Variants in DIAPH3 observed in about 807,000 individuals in gnomAD.
DIAPH3 encodes the protein protein diaphanous homolog 3.
A neutral mutation model predicts 144.3 loss-of-function variants in DIAPH3; 117 were observed. The observed-to-expected ratio is 0.81, with a 90% confidence interval of 0.70 to 0.95. DIAPH3 has a LOEUF of 0.95. Among genes scored for constraint, DIAPH3 ranks in the 40% least tolerant of loss-of-function variants. The probability of loss-of-function intolerance (pLI) is 0.00; values close to 1 mark genes in which losing one functional copy is unlikely to be tolerated. For missense variants in DIAPH3, 1,421 were observed against 1,412.7 expected (o/e 1.01, Z -0.09); for synonymous variants, 519 against 488.9 (o/e 1.06, Z -0.81).
At chr13:59,953,428 G>T (rs2049208679) in intron 17 of DIAPH3, among the ~76,000 whole-genome samples, 1 of 152,152 alleles carries the variant, frequency 6.6e-6, no homozygotes, top group Admixed American at 6.6e-5. Context: ...GAACTACATG[G>T]AATGTGGAGG....
rs1446725041 is a variant in DIAPH3, at chr13:59,983,961, T to TA, written c.1362-75dup. On this transcript the variant is annotated intron_variant, in intron 12 of 27. Coordinates refer to ENST00000400324, the MANE Select transcript of DIAPH3 (RefSeq NM_001042517.2). ...TTACATCAAAACAAAACTTTTTGGC[T>TA]AAGATTGATTTCAAGTTCAACAATT... The TA allele has an allele frequency of 7.5e-6, 7 of 937,344 alleles. No homozygotes were observed. In the Admixed American group the frequency reaches 1.3e-4, roughly 17 times the overall value. 58.1% of individuals were successfully genotyped at this position (937,344 alleles called of 1,614,324 possible).
At chr13:59,873,402 A>G (rs2044399330) in intron 21 of DIAPH3, among the ~76,000 whole-genome samples, 1 of 152,194 alleles carries the variant, frequency 6.6e-6, no homozygotes, top group Admixed American at 6.5e-5. Flanking sequence ...AAAACGACTC[A>G]CAGTGTTAAC....
chr13:59,926,817 T>C (rs1015018576), intron 17 of DIAPH3, among the ~76,000 whole-genome samples: 3 of 152,200 alleles, frequency 2.0e-5, no homozygotes, highest in Non-Finnish European at 4.4e-5. Flanking sequence ...TACTGGATGC[T>C]ATGTTCTGTA....
intron 4 of DIAPH3, among the ~76,000 whole-genome samples, chr13:60,068,624 G>A (rs1294753300): frequency 6.6e-6 from 1 of 152,104 alleles, no homozygotes; most frequent in African/African-American, 2.4e-5. Flanking sequence ...CTACCTGATA[G>A]TCTTTCAATC....
intron 27 of DIAPH3, among the ~76,000 whole-genome samples, chr13:59,765,396 G>A (rs1426320912): frequency 6.6e-6 from 1 of 152,106 alleles, no homozygotes; most frequent in African/African-American, 2.4e-5. Context: ...TCAATTCTAG[G>A]CACTACATCA....
chr13:59,766,599 C>T (rs1161579074), intron 27 of DIAPH3, among the ~76,000 whole-genome samples: 3 of 152,146 alleles, frequency 2.0e-5, no homozygotes, highest in African/African-American at 7.2e-5. Flanking sequence ...CCCCGGGAAC[C>T]TAACCTAAGC....
chr13:59,763,652 T>C (rs2037723088), intron 27 of DIAPH3, among the ~76,000 whole-genome samples: 1 of 152,142 alleles, frequency 6.6e-6, no homozygotes, highest in Non-Finnish European at 1.5e-5. Flanking sequence ...CCACTGCACT[T>C]CCGCCTAGGC....
chr13:59,765,922 G>C (rs1160344632), intron 27 of DIAPH3, among the ~76,000 whole-genome samples: 2 of 152,118 alleles, frequency 1.3e-5, no homozygotes, highest in Non-Finnish European at 2.9e-5. Flanking sequence ...CACATGCCTG[G>C]AAGAAACTCA....
At position 60,163,795 on chromosome 13, in the gene DIAPH3, G is replaced by T; in HGVS notation, c.-29C>A. ...TCCCCGCAGCTCCGGGGACCGGAAA[G>T]AAGGTGGCCACTCAGCAAGCCGCAA... On this transcript the variant is annotated 5_prime_UTR_variant, in exon 1 of 28. Coordinates refer to ENST00000400324, the MANE Select transcript of DIAPH3 (RefSeq NM_001042517.2). The T allele has an allele frequency of 1.3e-6, 2 of 1,547,452 alleles. No homozygotes were observed. The highest frequency in any genetic ancestry group is 1.7e-6 in the Non-Finnish European group (2 of 1,149,820).
intron 1 of DIAPH3, among the ~76,000 whole-genome samples, chr13:60,145,448 C>T (rs1951464544): frequency 1.3e-5 from 2 of 152,178 alleles, no homozygotes; most frequent in Admixed American, 1.3e-4. Context: ...GAGATCGAGA[C>T]CATCCTGGCT....
intron 27 of DIAPH3, among the ~76,000 whole-genome samples, chr13:59,747,805 A>G (rs1428370467): frequency 6.6e-6 from 1 of 152,218 alleles, no homozygotes; most frequent in Non-Finnish European, 1.5e-5. Flanking sequence ...CAAGAATGAC[A>G]GGAGAGCCAT....
intron 7 of DIAPH3, chr13:60,013,261 A>G (rs556925500): frequency 1.0e-6 from 1 of 967,294 alleles, no homozygotes; most frequent in South Asian, 4.8e-5. Context: ...AATTTCAGGC[A>G]CTGAAGATGA....
chr13:59,870,358 A>T (rs1297013862), intron 21 of DIAPH3, among the ~76,000 whole-genome samples: 2 of 151,970 alleles, frequency 1.3e-5, no homozygotes, highest in African/African-American at 2.4e-5. Context: ...CCAATACCAC[A>T]ATATTTTCCT....
intron 22 of DIAPH3, among the ~76,000 whole-genome samples, chr13:59,842,117 C>A (rs1388732907): frequency 6.6e-6 from 1 of 152,094 alleles, no homozygotes; most frequent in Non-Finnish European, 1.5e-5. Flanking sequence ...CAATCACAAG[C>A]AATCCATATT....
rs111641470 is a variant in DIAPH3, at chr13:59,974,379, T to C, written c.1623A>G (p.Gln541=). The change falls in exon 15 of 28, where the codon CAA becomes CAG. Residue 541 remains glutamine, a synonymous_variant. Transcript: ENST00000400324. Reference sequence around the variant, plus strand: ...GAGACTTAAAAGCTTGTAGCTCTGCTTGAAGCTCATTAATCTTTGCCTCTT... The same window carrying C: ...GAGACTTAAAAGCTTGTAGCTCTGCCTGAAGCTCATTAATCTTTGCCTCTT... ...QKKEAKINEL[Q]AELQAFKSQF... is the part of the protein sequence containing the mutation. 6.6e-4 allele frequency: 1,066 copies of C among 1,612,742 alleles called. 6 individuals carry two copies. In the African/African-American group the frequency reaches 0.012, roughly 19 times the overall value.
chr13:59,936,215 CA>C (rs954019526), intron 17 of DIAPH3, among the ~76,000 whole-genome samples: 1 of 152,048 alleles, frequency 6.6e-6, no homozygotes, highest in Non-Finnish European at 1.5e-5. Context: ...AAGATTTTTA[CA>C]AAGGCTACCT....
At chr13:59,902,759 A>T (rs977888756) in intron 20 of DIAPH3, among the ~76,000 whole-genome samples, 1 of 152,192 alleles carries the variant, frequency 6.6e-6, no homozygotes, top group Non-Finnish European at 1.5e-5. Context: ...CTGGGCAATG[A>T]AGTGAAACTG....
intron 2 of DIAPH3, among the ~76,000 whole-genome samples, chr13:60,113,045 T>C (rs938816880): frequency 3.9e-5 from 6 of 152,300 alleles, no homozygotes; most frequent in African/African-American, 1.4e-4. Flanking sequence ...AGCACAGTGA[T>C]TCCATGAGTT....
intron 3 of DIAPH3, among the ~76,000 whole-genome samples, chr13:60,097,632 T>C (rs1242897661): frequency 6.6e-6 from 1 of 152,174 alleles, no homozygotes; most frequent in Admixed American, 6.5e-5. Flanking sequence ...AAGACAACAA[T>C]ACAAAAGTTT....
Sources: gnomAD v4.1 joint callset for allele counts (sites outside exome capture counted in the v4.1 genomes callset) on GRCh38, gnomAD v4.1.1 for gene constraint, MANE v1.5 for transcripts, NCBI Gene and HGNC (gene_info 2026-07-23, HGNC 2026-07-21) for gene names.